The following FBXL17 variants were observed in gnomAD, a reference collection of about 807,000 sequenced individuals.
FBXL17 encodes the protein F-box and leucine rich repeat protein 17.
FBXL17 carries 22 observed loss-of-function variants against 66.2 expected under a neutral mutation model. That is an observed-to-expected ratio of 0.33 (90% confidence interval 0.24 to 0.47). FBXL17 has a LOEUF of 0.47. FBXL17 is among the 20% of genes least tolerant of loss of function. The pLI, the probability that FBXL17 is intolerant of heterozygous loss-of-function variation, is 1.00. For synonymous variants in FBXL17, 474 were observed against 400.5 expected (o/e 1.18, Z -2.19); for missense variants, 878 against 948.2 (o/e 0.93, Z 0.97).
intron 3 of FBXL17, among the ~76,000 whole-genome samples, chr5:108,364,316 C>T (rs766510436): frequency 1.8e-4 from 28 of 151,816 alleles, no homozygotes; most frequent in Non-Finnish European, 3.1e-4. Context: ...TTTGTTCTAA[C>T]TTTTATAATC....
At chr5:108,081,678 G>A (rs1170565755) in intron 6 of FBXL17, among the ~76,000 whole-genome samples, 2 of 152,086 alleles carry the variant, frequency 1.3e-5, no homozygotes, top group South Asian at 4.1e-4. Context: ...AGCCGAGATC[G>A]TGCCACTGCA....
At chr5:108,082,147 T>C (rs555335073) in intron 6 of FBXL17, among the ~76,000 whole-genome samples, 2 of 152,158 alleles carry the variant, frequency 1.3e-5, no homozygotes, top group East Asian at 1.9e-4. Flanking sequence ...GAGCCAGTTA[T>C]ATATTTACAT....
intron 6 of FBXL17, among the ~76,000 whole-genome samples, chr5:108,081,865 C>G (rs1748782773): frequency 6.6e-6 from 1 of 151,618 alleles, no homozygotes; most frequent in Non-Finnish European, 1.5e-5. Flanking sequence ...TCCAGCTTCC[C>G]TCCCGCTTCT....
At chr5:108,250,346 C>T (rs1756292978) in intron 4 of FBXL17, among the ~76,000 whole-genome samples, 1 of 152,128 alleles carries the variant, frequency 6.6e-6, no homozygotes, top group East Asian at 1.9e-4. Context: ...TCAATGATTA[C>T]CACAGTTAAT....
intron 4 of FBXL17, among the ~76,000 whole-genome samples, chr5:108,228,910 C>T (rs1755210034): frequency 6.6e-6 from 1 of 152,126 alleles, no homozygotes; most frequent in African/African-American, 2.4e-5. Flanking sequence ...CAAGAATCAC[C>T]AAAGAAGATT....
chr5:107,891,778 G>A (rs1243948981), intron 7 of FBXL17, among the ~76,000 whole-genome samples: 5 of 152,104 alleles, frequency 3.3e-5, no homozygotes, highest in Non-Finnish European at 7.4e-5. Context: ...TTCTTCTACT[G>A]CATATAAACT....
chr5:108,258,293 C>T (rs529432963), intron 4 of FBXL17, among the ~76,000 whole-genome samples: 2 of 152,220 alleles, frequency 1.3e-5, no homozygotes, highest in South Asian at 4.1e-4. Flanking sequence ...CCTGCCAGAC[C>T]TTGATCTTGG....
chr5:108,122,329 G>A (rs1291655863), intron 6 of FBXL17, among the ~76,000 whole-genome samples: 1 of 152,108 alleles, frequency 6.6e-6, no homozygotes, highest in Non-Finnish European at 1.5e-5. Context: ...AACAAAGCCA[G>A]GATTCAAATT....
intron 7 of FBXL17, among the ~76,000 whole-genome samples, chr5:107,936,412 GTTACTTAAT>G (rs1469597643): frequency 6.6e-6 from 1 of 151,980 alleles, no homozygotes; most frequent in African/African-American, 2.4e-5. Context: ...ATGCTTGCAA[GTTACTTAAT>G]TTACTATTTA....
chr5:108,002,836 C>T (rs1753789173), intron 7 of FBXL17, among the ~76,000 whole-genome samples: 1 of 152,100 alleles, frequency 6.6e-6, no homozygotes, highest in African/African-American at 2.4e-5. Context: ...GTTTGATTCC[C>T]TTTATACAAA....
chr5:108,333,633 T>A (rs1386962516), intron 4 of FBXL17, among the ~76,000 whole-genome samples: 1 of 152,066 alleles, frequency 6.6e-6, no homozygotes, highest in African/African-American at 2.4e-5. Flanking sequence ...TTTTAGAAAC[T>A]GTCAATTCTC....
At chr5:108,058,979 C>T (rs1747819538) in intron 6 of FBXL17, among the ~76,000 whole-genome samples, 1 of 152,102 alleles carries the variant, frequency 6.6e-6, no homozygotes, top group African/African-American at 2.4e-5. Context: ...AACAGGTAGA[C>T]TTCATTCAAA....
chr5:107,922,434 T>G (rs1561322271), intron 7 of FBXL17, among the ~76,000 whole-genome samples: 1 of 152,128 alleles, frequency 6.6e-6, no homozygotes, highest in African/African-American at 2.4e-5. Flanking sequence ...TCAATCCCAG[T>G]GGGTAATGGC....
intron 4 of FBXL17, among the ~76,000 whole-genome samples, chr5:108,270,734 T>C (rs1055770202): frequency 1.3e-5 from 2 of 152,128 alleles, no homozygotes; most frequent in African/African-American, 2.4e-5. Context: ...CAGTTTTAAA[T>C]TATTTCTCCT....
At position 108,022,135 on chromosome 5, in the gene FBXL17, T is replaced by G. The variant is rs564847037; in HGVS notation, c.1746-1134A>C. On this transcript the variant is annotated intron_variant, in intron 6 of 8. Transcript: ENST00000542267. ...AAAAATTTTTTATGGAATTTTGTTT[T>G]AATGGAATGATAAACATTTCAAATT... Among the ~76,000 whole-genome samples, 120 of 152,032 alleles carry G rather than the reference T, an allele frequency of 7.9e-4. 1 individual carries two copies. Among genetic ancestry groups the G allele is most frequent in the African/African-American group, 2.8e-3 (115 of 41,554 alleles).
intron 7 of FBXL17, among the ~76,000 whole-genome samples, chr5:108,008,627 T>C (rs779873016): frequency 2.6e-5 from 4 of 152,216 alleles, no homozygotes; most frequent in Non-Finnish European, 2.9e-5. Context: ...AGTTAATTGG[T>C]TACTATAAGA....
chr5:107,946,599 T>G (rs1751306701), intron 7 of FBXL17, among the ~76,000 whole-genome samples: 1 of 151,892 alleles, frequency 6.6e-6, no homozygotes, highest in South Asian at 2.1e-4. Context: ...GGGCCACAGC[T>G]TCCAGCTAAT....
rs527904556 is a variant in FBXL17, at chr5:108,001,919, T to C, written c.1822+19006A>G. ...CTCTTGTGCTATTAAAGAATCTTGA[T>C]GATTCTAATAACTAAAAATAAAAAA... On this transcript the variant is annotated intron_variant, in intron 7 of 8. Coordinates refer to ENST00000542267, the MANE Select transcript of FBXL17 (RefSeq NM_001163315.3). Among the ~76,000 whole-genome samples, 67 of 152,230 alleles carry C rather than the reference T, an allele frequency of 4.4e-4. 1 individual carries two copies. In the Middle Eastern group the frequency reaches 0.01, roughly 23 times the overall value.
intron 3 of FBXL17, among the ~76,000 whole-genome samples, chr5:108,364,415 A>G (rs1748532422): frequency 6.6e-6 from 1 of 152,004 alleles, no homozygotes; most frequent in African/African-American, 2.4e-5. Flanking sequence ...TTAAAATGTT[A>G]ATTTTTAAAA....
Sources: gnomAD v4.1 joint callset for allele counts (sites outside exome capture counted in the v4.1 genomes callset) on GRCh38, gnomAD v4.1.1 for gene constraint, MANE v1.5 for transcripts, NCBI Gene and HGNC (gene_info 2026-07-23, HGNC 2026-07-21) for gene names.